The following NEK11 variants were observed in gnomAD, a reference collection of about 807,000 sequenced individuals.
The protein encoded by NEK11 is serine/threonine-protein kinase Nek11.
A neutral mutation model predicts 80.7 loss-of-function variants in NEK11; 72 were observed. The observed-to-expected ratio is 0.89, with a 90% CI of 0.74 to 1.08. The LOEUF (loss-of-function observed/expected upper bound fraction) is 1.08. NEK11 is among the 50% of genes least tolerant of loss of function. NEK11 has a pLI of 0.00. For synonymous variants in NEK11, 251 were observed against 260.7 expected (o/e 0.96, Z 0.36); for missense variants, 764 against 763.6 (o/e 1.00, Z -0.01).
At chr3:131,239,044 T>A (rs974551422) in intron 15 of NEK11, among the ~76,000 whole-genome samples, 5 of 152,044 alleles carry the variant, frequency 3.3e-5, no homozygotes, top group Non-Finnish European at 7.4e-5. Context: ...GGCCACTTCC[T>A]GGCTGCTTGT....
chr3:131,153,045 C>T (rs982768761), intron 9 of NEK11, among the ~76,000 whole-genome samples: 21 of 152,142 alleles, frequency 1.4e-4, no homozygotes, highest in African/African-American at 5.1e-4. Flanking sequence ...CGAGATTGCG[C>T]CGCTGCACTC....
At chr3:131,035,412 T>C (rs2065493592) in intron 3 of NEK11, among the ~76,000 whole-genome samples, 1 of 152,224 alleles carries the variant, frequency 6.6e-6, no homozygotes, top group South Asian at 2.1e-4. Context: ...TCCATTGTTG[T>C]AAAGCTCTCC....
chr3:131,269,328 C>A (rs1402993348), intron 16 of NEK11, among the ~76,000 whole-genome samples: 3 of 152,230 alleles, frequency 2.0e-5, no homozygotes, highest in Non-Finnish European at 2.9e-5. Context: ...AAAACAACTC[C>A]TGCAGCTAGC....
chr3:131,270,761 T>C (rs918580492), intron 16 of NEK11, among the ~76,000 whole-genome samples: 4 of 152,170 alleles, frequency 2.6e-5, no homozygotes, highest in Admixed American at 1.3e-4. Flanking sequence ...GAGTGCCTTA[T>C]TGAGGGAAAC....
At chr3:131,136,430 T>A (rs1017338260) in intron 7 of NEK11, among the ~76,000 whole-genome samples, 13 of 152,180 alleles carry the variant, frequency 8.5e-5, no homozygotes, top group African/African-American at 3.1e-4. Flanking sequence ...GTGTGTAGCA[T>A]CTGTTTATTG....
At chr3:131,063,373 A>T (rs1429294818) in intron 3 of NEK11, among the ~76,000 whole-genome samples, 1 of 152,160 alleles carries the variant, frequency 6.6e-6, no homozygotes, top group Non-Finnish European at 1.5e-5. Flanking sequence ...CTCTGTGGTT[A>T]ATTAAGATAA....
chr3:131,125,166 CT>C, intron 5 of NEK11, among the ~76,000 whole-genome samples: 1 of 152,120 alleles, frequency 6.6e-6, no homozygotes, highest in East Asian at 1.9e-4. Flanking sequence ...CAATTCTTCA[CT>C]TTATATGCTG....
chr3:131,217,548 T>C (rs945106358), intron 14 of NEK11, among the ~76,000 whole-genome samples: 3 of 152,164 alleles, frequency 2.0e-5, no homozygotes, highest in Non-Finnish European at 2.9e-5. Flanking sequence ...ATTTTGTCAT[T>C]GAGCAAACAT....
At chr3:131,091,296 A>G (rs563673048) in intron 4 of NEK11, among the ~76,000 whole-genome samples, 12 of 152,112 alleles carry the variant, frequency 7.9e-5, no homozygotes, top group Non-Finnish European at 1.6e-4. Context: ...GAGTTTGGCT[A>G]TTTCCTTTGG....
intron 3 of NEK11, among the ~76,000 whole-genome samples, chr3:131,051,035 A>G (rs1000725696): frequency 1.2e-4 from 19 of 152,208 alleles, no homozygotes; most frequent in Non-Finnish European, 4.4e-5. Context: ...CCTGCCTCCA[A>G]AAAAAATTAG....
At chr3:131,081,897 C>T (rs1196083619) in intron 4 of NEK11, among the ~76,000 whole-genome samples, 1 of 152,188 alleles carries the variant, frequency 6.6e-6, no homozygotes, top group Non-Finnish European at 1.5e-5. Context: ...CGAGAACAAC[C>T]TTGCCTGCTT....
chr3:131,062,251 A>G (rs1303962901), intron 3 of NEK11, among the ~76,000 whole-genome samples: 1 of 152,192 alleles, frequency 6.6e-6, no homozygotes, highest in African/African-American at 2.4e-5. Context: ...TAACTTGGGA[A>G]TAGATGTACA....
At chr3:131,034,169 T>C (rs976923464) in intron 3 of NEK11, among the ~76,000 whole-genome samples, 12 of 152,172 alleles carry the variant, frequency 7.9e-5, no homozygotes, top group African/African-American at 2.9e-4. Flanking sequence ...TGTAATTTAA[T>C]AGAAAAGAGA....
chr3:131,104,888 G>A (rs2078952527), intron 4 of NEK11, among the ~76,000 whole-genome samples: 1 of 152,196 alleles, frequency 6.6e-6, no homozygotes, highest in Non-Finnish European at 1.5e-5. Flanking sequence ...GGTCCTTGGG[G>A]ACTCTCACTC....
chr3:131,184,062 C>T (rs2093491492), intron 14 of NEK11, among the ~76,000 whole-genome samples: 1 of 152,182 alleles, frequency 6.6e-6, no homozygotes, highest in African/African-American at 2.4e-5. Flanking sequence ...ACTTTTTGCT[C>T]TCAGTAAATC....
intron 3 of NEK11, among the ~76,000 whole-genome samples, chr3:131,043,090 G>T (rs1434518566): frequency 6.6e-6 from 1 of 152,088 alleles, no homozygotes; most frequent in Non-Finnish European, 1.5e-5. Flanking sequence ...GGATGACCAC[G>T]CAAAAACTTC....
At chr3:131,049,211 G>A (rs769525337) in intron 3 of NEK11, among the ~76,000 whole-genome samples, 1 of 152,176 alleles carries the variant, frequency 6.6e-6, no homozygotes, top group Non-Finnish European at 1.5e-5. Context: ...AATCCATGTA[G>A]AATAACAAAT....
At chr3:131,276,813 C>A (rs1401446613) in intron 17 of NEK11, among the ~76,000 whole-genome samples, 1 of 152,100 alleles carries the variant, frequency 6.6e-6, no homozygotes, top group Non-Finnish European at 1.5e-5. Flanking sequence ...ACATACAAAT[C>A]CATATTCAGA....
intron 17 of NEK11, among the ~76,000 whole-genome samples, chr3:131,317,113 G>A (rs2096848686): frequency 6.6e-6 from 1 of 152,164 alleles, no homozygotes; most frequent in African/African-American, 2.4e-5. Flanking sequence ...ATAATGGGGT[G>A]AGGCTTCCAT....
Sources: gnomAD v4.1 joint callset for allele counts (sites outside exome capture counted in the v4.1 genomes callset) on GRCh38, gnomAD v4.1.1 for gene constraint, MANE v1.5 for transcripts, NCBI Gene and HGNC (gene_info 2026-07-23, HGNC 2026-07-21) for gene names.